The following TOM1L2 variants were observed in gnomAD, a reference collection of about 807,000 sequenced individuals.
TOM1L2 encodes target of myb1 like 2 membrane trafficking protein, also known as TOM1-like protein 2.
Under a neutral mutation model 67.9 loss-of-function variants are expected in TOM1L2, and 31 were observed. The observed-to-expected ratio is 0.46, with a 90% CI of 0.34 to 0.62. The LOEUF (loss-of-function observed/expected upper bound fraction) is 0.62. TOM1L2 is among the 20% of genes least tolerant of loss of function. The pLI, the probability that TOM1L2 is intolerant of heterozygous loss-of-function variation, is 0.01. For missense variants in TOM1L2, 606 were observed against 663.5 expected, an observed-to-expected ratio of 0.91 and a Z score of 0.95; for synonymous variants, 256 against 254.0, an observed-to-expected ratio of 1.01 and a Z score of -0.07.
intron 12 of TOM1L2, among the ~76,000 whole-genome samples, chr17:17,857,013 G>C (rs1486053767): frequency 1.3e-5 from 2 of 152,196 alleles, no homozygotes; most frequent in African/African-American, 4.8e-5. Context: ...GGAGTGCAGT[G>C]GTGCAATCTC....
intron 1 of TOM1L2, among the ~76,000 whole-genome samples, chr17:17,954,808 G>A (rs2144941570): frequency 6.6e-6 from 1 of 152,324 alleles, no homozygotes; most frequent in African/African-American, 2.4e-5. Context: ...GACTAAGTTA[G>A]AGGAGGAGAA....
chr17:17,866,503 G>A, intron 9 of TOM1L2, 84 bp from the exon 10 acceptor site: 1 of 1,457,738 alleles, frequency 6.9e-7, no homozygotes, highest in Non-Finnish European at 9.1e-7. Context: ...ACTATGCAGG[G>A]TTCCAAGAAG....
At chr17:17,888,617 C>T (rs1317500220) in intron 4 of TOM1L2, among the ~76,000 whole-genome samples, 2 of 152,208 alleles carry the variant, frequency 1.3e-5, no homozygotes, top group African/African-American at 2.4e-5. Flanking sequence ...AAAGAACACA[C>T]ACCTCCAGTT....
intron 1 of TOM1L2, among the ~76,000 whole-genome samples, chr17:17,911,944 CAT>C (rs1335537406): frequency 1.4e-5 from 2 of 143,662 alleles, no homozygotes; most frequent in African/African-American, 5.1e-5. Context: ...GGACACAGCA[CAT>C]GTTTCAGAGA....
chr17:17,879,135 C>T (rs1323371923), intron 7 of TOM1L2, among the ~76,000 whole-genome samples: 1 of 152,176 alleles, frequency 6.6e-6, no homozygotes, highest in Non-Finnish European at 1.5e-5. Flanking sequence ...CTCAGGACAC[C>T]TTGGGGGTGA....
At position 17,940,959 on chromosome 17, in the gene TOM1L2, T is replaced by C. The variant is rs765201504; in HGVS notation, c.52+31303A>G. 2.0e-4 allele frequency among the ~76,000 whole-genome samples: 30 copies of C among 152,236 alleles called. 1 individual carries two copies. Among genetic ancestry groups the C allele is most frequent in the Non-Finnish European group, 3.2e-4 (22 of 68,032 alleles). The stretch of plus-strand genomic sequence containing the variant: ...GCTTCTCTATGATGCTTGCAAATCA[T>C]ACTTGTAAGATTTGTACCATTGGGA... On this transcript the variant is annotated intron_variant, in intron 1 of 14. Coordinates refer to ENST00000379504, the MANE Select transcript of TOM1L2 (RefSeq NM_001082968.2).
intron 7 of TOM1L2, among the ~76,000 whole-genome samples, chr17:17,872,424 T>C (rs2143890842): frequency 6.6e-6 from 1 of 152,200 alleles, no homozygotes; most frequent in East Asian, 1.9e-4. Context: ...CAGACCATCC[T>C]CCCCTGCTTC....
At chr17:17,888,202 T>C (rs1337802512) in intron 4 of TOM1L2, among the ~76,000 whole-genome samples, 4 of 152,218 alleles carry the variant, frequency 2.6e-5, no homozygotes, top group Non-Finnish European at 5.9e-5. Flanking sequence ...GTCAGTTCAC[T>C]GGAAGCCTTC....
chr17:17,891,374 T>C (rs2038262357), intron 4 of TOM1L2, among the ~76,000 whole-genome samples: 1 of 152,094 alleles, frequency 6.6e-6, no homozygotes, highest in Non-Finnish European at 1.5e-5. Context: ...GGGTAAAAGC[T>C]AGGAGGAGCT....
rs565686896 is a variant in TOM1L2 at position 17,851,558 on chromosome 17, G to T, written c.1279-606C>A. Among the ~76,000 whole-genome samples the T allele has an allele frequency of 3.3e-4, 50 of 152,316 alleles. No homozygotes were observed. The South Asian group carries it at 6.2e-3, about 19-fold the overall frequency. ...TGCGTGCTCCGCTGGGCTGGGTGTG[G>T]CCTGGTAGACAGAGGCAGGCACATT... is the stretch of plus-strand genomic sequence containing the variant. On this transcript the variant is annotated intron_variant, in intron 12 of 14. Transcript: ENST00000379504.
chr17:17,930,215 C>T (rs2040269384), intron 1 of TOM1L2, among the ~76,000 whole-genome samples: 1 of 152,106 alleles, frequency 6.6e-6, no homozygotes, highest in African/African-American at 2.4e-5. Flanking sequence ...GTCATTTTAC[C>T]GAGTGTTGCC....
chr17:17,968,858 C>T (rs2041962926), intron 1 of TOM1L2, among the ~76,000 whole-genome samples: 1 of 152,060 alleles, frequency 6.6e-6, no homozygotes, highest in Admixed American at 6.6e-5. Context: ...TTGTTTTCTG[C>T]ATGCAGAGTT....
intron 2 of TOM1L2, among the ~76,000 whole-genome samples, chr17:17,900,169 C>T (rs1268245111): frequency 6.6e-6 from 1 of 151,102 alleles, no homozygotes; most frequent in Non-Finnish European, 1.5e-5. Context: ...GCTGAGATCA[C>T]GCCATTGTAC....
chr17:17,949,553 G>A (rs2041097784), intron 1 of TOM1L2, among the ~76,000 whole-genome samples: 1 of 152,258 alleles, frequency 6.6e-6, no homozygotes. Context: ...GGGCACCTGG[G>A]GTGAAGACAG....
At chr17:17,861,425 T>C (rs1326955959) in intron 12 of TOM1L2, 51 bp downstream of exon 12, 1 of 1,574,834 alleles carries the variant, frequency 6.3e-7, no homozygotes. Flanking sequence ...CCAAACCACC[T>C]GACTTTCCCT....
intron 1 of TOM1L2, among the ~76,000 whole-genome samples, chr17:17,931,742 C>G (rs530439465): frequency 6.6e-6 from 1 of 152,208 alleles, no homozygotes; most frequent in African/African-American, 2.4e-5. Flanking sequence ...AGGTTCAGAA[C>G]GCAAAGCTCC....
Position 17,847,800 on chromosome 17 carries a change from G to A in TOM1L2, c.1376-17C>T. On this transcript the variant is annotated splice_polypyrimidine_tract_variant and intron_variant, in intron 14 of 14. Coordinates refer to ENST00000379504, the MANE Select transcript of TOM1L2 (RefSeq NM_001082968.2). ...TATCAAACTCTGCAATACAAACCAAGGCAAGGGTCAGGGTTGGTGAGGGCA... is the reference window on the plus strand; with the variant it reads ...TATCAAACTCTGCAATACAAACCAAAGCAAGGGTCAGGGTTGGTGAGGGCA... The A allele has an allele frequency of 6.2e-7, 1 of 1,613,836 alleles. No homozygotes were observed. Among genetic ancestry groups the A allele is most frequent in the Non-Finnish European group, 8.5e-7 (1 of 1,179,922 alleles).
In TOM1L2 at chr17:17,843,799, T is replaced by C. The variant is rs2035504716; in HGVS notation, c.*3836A>G. ...AAGTGCAAACTTTAGGAAATAAATATCCGTCCCCCTCTCCGGGAGAGCCTG... is the reference window on the plus strand; with the variant it reads ...AAGTGCAAACTTTAGGAAATAAATACCCGTCCCCCTCTCCGGGAGAGCCTG... On this transcript the variant is annotated 3_prime_UTR_variant, in exon 15 of 15. Transcript: ENST00000379504. The C allele has an allele frequency of 1.3e-5, 2 of 152,396 alleles. No individual in the cohort carries two copies. Among genetic ancestry groups the C allele is most frequent in the African/African-American group, 4.8e-5 (2 of 41,432 alleles). 9.4% of individuals were successfully genotyped at this position (152,396 alleles called of 1,614,324 possible).
intron 1 of TOM1L2, among the ~76,000 whole-genome samples, chr17:17,915,229 G>C (rs1229423013): frequency 6.6e-6 from 1 of 152,170 alleles, no homozygotes; most frequent in Non-Finnish European, 1.5e-5. Flanking sequence ...GGTAGTTTCA[G>C]AATTCCTCCA....
Sources: allele counts gnomAD v4.1 joint callset (sites outside exome capture counted in the v4.1 genomes callset), GRCh38; gene constraint gnomAD v4.1.1; transcripts MANE v1.5; gene names NCBI Gene and HGNC (gene_info 2026-07-23, HGNC 2026-07-21).